The following GRM7 variants were observed in gnomAD, a reference collection of about 807,000 sequenced individuals.
The protein encoded by GRM7 is metabotropic glutamate receptor 7.
Under a neutral mutation model 84.5 loss-of-function variants are expected in GRM7, and 35 were observed. That is an observed-to-expected ratio of 0.41 (90% CI 0.32 to 0.55). The LOEUF (loss-of-function observed/expected upper bound fraction) is 0.55, where lower values mean the gene tolerates loss of function less well. Ranked by LOEUF, GRM7 falls within the 20% of genes least tolerant of loss-of-function variation. GRM7 has a pLI of 0.19. For missense variants in GRM7, 1,003 were observed against 1,194.6 expected, an observed-to-expected ratio of 0.84 and a Z score of 2.36; for synonymous variants, 487 against 455.1, an observed-to-expected ratio of 1.07 and a Z score of -0.89.
intron 4 of GRM7, among the ~76,000 whole-genome samples, chr3:7,402,489 C>T (rs1327691408): frequency 6.6e-6 from 1 of 152,084 alleles, no homozygotes; most frequent in Non-Finnish European, 1.5e-5. Flanking sequence ...TGCATGAAGA[C>T]ATTTGTTTAC....
At chr3:7,527,719 T>C (rs1414110363) in intron 7 of GRM7, among the ~76,000 whole-genome samples, 1 of 152,040 alleles carries the variant, frequency 6.6e-6, no homozygotes, top group African/African-American at 2.4e-5. Context: ...CCTAGTTTTT[T>C]AGAGCTTTTA....
At chr3:7,118,257 T>C (rs58760212) in intron 1 of GRM7, among the ~76,000 whole-genome samples, 41,469 of 151,168 alleles carry the variant, frequency 0.27, 5,981 homozygotes, top group African/African-American at 0.35. Context: ...TGGGCATGGT[T>C]GTATGCATCT....
chr3:7,044,811 C>G (rs1184007900), intron 1 of GRM7, among the ~76,000 whole-genome samples: 1 of 152,148 alleles, frequency 6.6e-6, no homozygotes, highest in Non-Finnish European at 1.5e-5. Flanking sequence ...TGAACTTCAC[C>G]TGGTAAAGTT....
chr3:7,605,763 T>C (rs1421690590), intron 8 of GRM7, among the ~76,000 whole-genome samples: 1 of 152,226 alleles, frequency 6.6e-6, no homozygotes, highest in African/African-American at 2.4e-5. Context: ...AAATTATGTA[T>C]GATAACACTG....
intron 5 of GRM7, among the ~76,000 whole-genome samples, chr3:7,446,547 A>C (rs1205347094): frequency 7.1e-6 from 1 of 141,796 alleles, no homozygotes; most frequent in African/African-American, 2.7e-5. Context: ...TGCAGCCTCT[A>C]CCTCCTGGGT....
At position 7,302,288 on chromosome 3, in the gene GRM7, A is replaced by G. The variant is rs1700029103; in HGVS notation, c.878+3463A>G. 2.0e-5 allele frequency among the ~76,000 whole-genome samples: 3 copies of G among 152,256 alleles called. No homozygotes were observed. The Middle Eastern group carries it at 0.01, about 518-fold the overall frequency. On this transcript the variant is annotated intron_variant, in intron 3 of 9. Transcript: ENST00000357716. The stretch of plus-strand genomic sequence containing the variant: ...CAATAAGTTTTTTTATACATACACA[A>G]ATTTTCCTCAACAGAATAAAGATCA...
intron 7 of GRM7, among the ~76,000 whole-genome samples, chr3:7,469,843 G>T (rs922660463): frequency 6.6e-6 from 1 of 152,144 alleles, no homozygotes; most frequent in Non-Finnish European, 1.5e-5. Flanking sequence ...TCAAAATTAA[G>T]TACTGCTTCC....
At position 7,131,525 on chromosome 3, in the gene GRM7, T is replaced by C. The variant is rs182631390; in HGVS notation, c.520-14927T>C. On this transcript the variant is annotated intron_variant, in intron 1 of 9. Coordinates refer to ENST00000357716, the MANE Select transcript of GRM7 (RefSeq NM_000844.4). The stretch of plus-strand genomic sequence containing the variant: ...GTTAGAGTCTCACTCTGTTGCCAGG[T>C]TGGAGTTCAGTGGCACGATCTCGGC... Among the ~76,000 whole-genome samples the C allele has an allele frequency of 1.8e-3, 273 of 152,272 alleles. 2 individuals are homozygous for C. The highest frequency in any genetic ancestry group is 5.3e-3 in the Admixed American group (81 of 15,296).
intron 1 of GRM7, among the ~76,000 whole-genome samples, chr3:7,099,983 T>C (rs1443660052): frequency 2.7e-5 from 4 of 148,146 alleles, no homozygotes; most frequent in Non-Finnish European, 6.0e-5. Flanking sequence ...TATAATTGCA[T>C]ATGTACATAT....
Position 7,579,056 on chromosome 3 carries a change from T to C in GRM7, c.2150T>C (p.Val717Ala). Residue 717 changes from valine (V) to alanine (A), a missense_variant, in exon 8 of 10, where the codon GTG (valine) becomes GCG (alanine). Transcript: ENST00000357716. ...SSLISVQLLG[V>A]FIWFGVDPPN... ...TTAATATCAGTTCAGCTTCTAGGGG[T>C]GTTCATTTGGTTTGGTGTTGATCCA... 1.9e-6 allele frequency: 3 copies of C among 1,614,070 alleles called. No individual in the cohort carries two copies. The highest frequency in any genetic ancestry group is 2.5e-6 in the Non-Finnish European group (3 of 1,179,996).
chr3:7,368,002 G>A (rs1693979138), intron 4 of GRM7, among the ~76,000 whole-genome samples: 1 of 140,718 alleles, frequency 7.1e-6, no homozygotes, highest in Non-Finnish European at 1.5e-5. Flanking sequence ...AAAATACAAT[G>A]ATACAAATCC....
Position 6,863,400 on chromosome 3 carries a change from A to C in GRM7, c.519+1493A>C, listed in dbSNP as rs963240569. Among the ~76,000 whole-genome samples the C allele has an allele frequency of 2.0e-5, 3 of 152,156 alleles. No individual in the cohort carries two copies. Among genetic ancestry groups the C allele is most frequent in the African/African-American group, 7.2e-5 (3 of 41,438 alleles). ...TTGGGCTTCAGAAGGGGACTCTGTGAGACCCAGGCTGTCATCACATCACCT... is the reference window on the plus strand; with the variant it reads ...TTGGGCTTCAGAAGGGGACTCTGTGCGACCCAGGCTGTCATCACATCACCT... On this transcript the variant is annotated intron_variant, in intron 1 of 9. Coordinates refer to ENST00000357716, the MANE Select transcript of GRM7 (RefSeq NM_000844.4). This position sits in a 1 kb window ranked among gnomAD's most constrained non-coding sequence, Gnocchi z 4.8.
chr3:6,955,911 C>T (rs1466594209), intron 1 of GRM7, among the ~76,000 whole-genome samples: 4 of 151,576 alleles, frequency 2.6e-5, no homozygotes, highest in Non-Finnish European at 5.9e-5. Flanking sequence ...GAAGAAAGAC[C>T]ACTGCTGGAT....
In GRM7 at chr3:6,861,798, C is replaced by T; in HGVS notation, c.410C>T (p.Thr137Ile). ...IQKDTSDVRCTNGEPPVFVKP... is the reference protein window; with the variant it reads ...IQKDTSDVRCINGEPPVFVKP... Reference sequence around the variant, plus strand: ...AAGGACACCTCCGACGTGCGCTGCACCAACGGCGAACCGCCGGTTTTCGTC... The same window carrying T: ...AAGGACACCTCCGACGTGCGCTGCATCAACGGCGAACCGCCGGTTTTCGTC... Residue 137 changes from threonine to isoleucine, a missense_variant, in exon 1 of 10, where the codon ACC (threonine) becomes ATC (isoleucine). By Grantham distance (89) the Thr-to-Ile change is moderately conservative. Coordinates refer to ENST00000357716, the MANE Select transcript of GRM7 (RefSeq NM_000844.4). The surrounding 1 kb of genome is among the most constrained non-coding windows in gnomAD (Gnocchi z 6.4). 6.2e-7 allele frequency: 1 copy of T among 1,614,164 alleles called. No homozygotes were observed. Among genetic ancestry groups the T allele is most frequent in the Non-Finnish European group, 8.5e-7 (1 of 1,180,034 alleles).
chr3:7,384,739 CG>C (rs765952499), intron 4 of GRM7, among the ~76,000 whole-genome samples: 1 of 152,046 alleles, frequency 6.6e-6, no homozygotes, highest in Non-Finnish European at 1.5e-5. Context: ...GCTATCAAGT[CG>C]AATACAGCAG....
intron 1 of GRM7, among the ~76,000 whole-genome samples, chr3:7,020,837 C>G (rs891663955): frequency 6.6e-6 from 1 of 152,132 alleles, no homozygotes; most frequent in Non-Finnish European, 1.5e-5. Flanking sequence ...GATGCAATCT[C>G]TTGTCTAAGA....
chr3:7,523,257 A>G (rs1216676174), intron 7 of GRM7, among the ~76,000 whole-genome samples: 1 of 152,176 alleles, frequency 6.6e-6, no homozygotes, highest in African/African-American at 2.4e-5. Flanking sequence ...CAACAAAAAG[A>G]TCAGAAAAGG....
intron 2 of GRM7, among the ~76,000 whole-genome samples, chr3:7,256,525 A>G (rs1467341163): frequency 6.6e-6 from 1 of 152,178 alleles, no homozygotes. Flanking sequence ...CTCCAGTAAG[A>G]CAATTCAGGG....
At chr3:7,289,788 T>G (rs1424840534) in intron 2 of GRM7, among the ~76,000 whole-genome samples, 1 of 142,856 alleles carries the variant, frequency 7.0e-6, no homozygotes, top group Non-Finnish European at 1.5e-5. Flanking sequence ...TGTTCTCACT[T>G]ATAGGTGGGA....
Sources: gnomAD v4.1 joint callset for allele counts (sites outside exome capture counted in the v4.1 genomes callset) on GRCh38, gnomAD v4.1.1 for gene constraint, Gnocchi (gnomAD v3.1) non-coding constraint, MANE v1.5 for transcripts, NCBI Gene and HGNC (gene_info 2026-07-23, HGNC 2026-07-21) for gene names.